The following CDK7 variants were observed in gnomAD, a reference collection of about 807,000 sequenced individuals.
CDK7 encodes cyclin dependent kinase 7.
CDK7 carries 25 observed loss-of-function variants against 49.1 expected under a neutral mutation model. The ratio of observed to expected loss-of-function variants is 0.51; its 90% confidence interval spans 0.37 to 0.71. The LOEUF is 0.71. CDK7 is among the 30% of genes least tolerant of loss of function. The pLI is 0.00. For missense variants in CDK7, 316 were observed against 411.7 expected, an observed-to-expected ratio of 0.77 and a Z score of 2.01; for synonymous variants, 107 against 140.0, an observed-to-expected ratio of 0.76 and a Z score of 1.67.
At position 69,259,809 on chromosome 5, in the gene CDK7, G is replaced by A. The variant is rs376866485; in HGVS notation, c.409-9G>A. 31 of 1,589,422 alleles carry A rather than the reference G, an allele frequency of 2.0e-5. No homozygotes were observed. Among genetic ancestry groups the A allele is most frequent in the Middle Eastern group, 1.7e-4 (1 of 6,036 alleles). ...GCTTATTTGTTTGTTTAAAACTTCC[G>A]TCATATAGGATCTGAAACCAAACAA... is the stretch of plus-strand genomic sequence containing the variant. On this transcript the variant is annotated splice_polypyrimidine_tract_variant and intron_variant, in intron 6 of 11. Coordinates refer to ENST00000256443, the MANE Select transcript of CDK7 (RefSeq NM_001799.4).
At chr5:69,241,314 C>CTTTTTTTTTTTT (rs747725798) in intron 2 of CDK7, among the ~76,000 whole-genome samples, 1 of 35,192 alleles carries the variant, frequency 2.8e-5, no homozygotes, top group Non-Finnish European at 5.0e-5. Flanking sequence ...TAGGTTTTTT[C>CTTTTTTTTTTTT]TTTTTTTTTT....
intron 2 of CDK7, chr5:69,250,746 A>T: frequency 2.2e-6 from 1 of 456,566 alleles, no homozygotes; most frequent in Non-Finnish European, 4.4e-6. Flanking sequence ...CTCAAACAGG[A>T]GTCTCTGCTG....
At chr5:69,265,852 A>G (rs1053297685) in intron 8 of CDK7, among the ~76,000 whole-genome samples, 5 of 151,984 alleles carry the variant, frequency 3.3e-5, no homozygotes, top group African/African-American at 4.8e-5. Context: ...TGAGGCTGCA[A>G]GGAGGTGATA....
chr5:69,244,257 A>G (rs1749581490), intron 2 of CDK7, among the ~76,000 whole-genome samples: 1 of 152,174 alleles, frequency 6.6e-6, no homozygotes, highest in African/African-American at 2.4e-5. Context: ...CTGTGGGCAT[A>G]TAGCAGGGCT....
chr5:69,260,515 T>A (rs1049390165), intron 7 of CDK7, among the ~76,000 whole-genome samples: 1 of 152,242 alleles, frequency 6.6e-6, no homozygotes, highest in African/African-American at 2.4e-5. Context: ...TTTAGTTAGA[T>A]AATCTAGAAT....
chr5:69,248,790 CTTTTTTTTTTTCTTTTT>C (rs1274149791), intron 2 of CDK7, among the ~76,000 whole-genome samples: 24 of 110,494 alleles, frequency 2.2e-4, no homozygotes, highest in African/African-American at 6.9e-4. Flanking sequence ...ACCTTCTTTT[CTTTTTTTTTTTCTTTTT>C]TTTTTTTTTT....
intron 8 of CDK7, 37 bp from the exon 9 acceptor site, chr5:69,269,170 A>AG (rs755608810): frequency 4.6e-6 from 6 of 1,292,930 alleles, no homozygotes; most frequent in Non-Finnish European, 6.5e-6. Flanking sequence ...AAAAAAAAAA[A>AG]CCCACCTTGA....
Position 69,269,276 on chromosome 5 carries a change from A to C in CDK7, c.697A>C (p.Thr233Pro). 1 of 1,610,392 alleles carries C rather than the reference A, an allele frequency of 6.2e-7. No individual in the cohort carries two copies. Residue 233 changes from threonine (T) to proline (P), a missense_variant, in exon 9 of 12, where the codon ACT becomes CCT. Coordinates refer to ENST00000256443, the MANE Select transcript of CDK7 (RefSeq NM_001799.4). The part of the protein sequence containing the change: ...TRIFETLGTP[T>P]EEQWPDMCSL... ...AATATTTGAAACTTTGGGCACACCAACTGAGGAACAGTGGCCGGTAAGCCT... is the reference window on the plus strand; with the variant it reads ...AATATTTGAAACTTTGGGCACACCACCTGAGGAACAGTGGCCGGTAAGCCT...
At chr5:69,273,903 G>GGATA (rs778588023) in intron 10 of CDK7, among the ~76,000 whole-genome samples, 1 of 152,130 alleles carries the variant, frequency 6.6e-6, no homozygotes, top group Non-Finnish European at 1.5e-5. Flanking sequence ...ATGGATGGAA[G>GGATA]GATAGATAGA....
intron 8 of CDK7, among the ~76,000 whole-genome samples, chr5:69,264,442 G>A (rs1751016100): frequency 6.6e-6 from 1 of 152,162 alleles, no homozygotes; most frequent in Non-Finnish European, 1.5e-5. Flanking sequence ...CTACGTGCGA[G>A]GCTGAGGCAG....
chr5:69,241,628 T>C (rs1032813159), intron 2 of CDK7, among the ~76,000 whole-genome samples: 3 of 152,094 alleles, frequency 2.0e-5, no homozygotes, highest in African/African-American at 4.8e-5. Flanking sequence ...CCGGCCCTCA[T>C]TGTAGTTTTC....
intron 7 of CDK7, 35 bp downstream of exon 7, chr5:69,259,971 T>TTGA: frequency 7.9e-7 from 1 of 1,262,288 alleles, no homozygotes; most frequent in Non-Finnish European, 1.2e-6. Context: ...TGCAGGAGTT[T>TTGA]GATCAGAAAT....
intron 2 of CDK7, among the ~76,000 whole-genome samples, chr5:69,248,802 C>CTTTTTTTTTTTTTTTTTTTTTTTT (rs70992911): frequency 6.5e-5 from 6 of 92,274 alleles, no homozygotes; most frequent in Admixed American, 2.8e-4. Context: ...TTTTTTTTTT[C>CTTTTTTTTTTTTTTTTTTTTTTTT]TTTTTTTTTT....
chr5:69,276,853 G>GT (rs1272874492), intron 11 of CDK7, among the ~76,000 whole-genome samples, 163 bp downstream of exon 11: 10 of 152,346 alleles, frequency 6.6e-5, no homozygotes, highest in African/African-American at 2.4e-4. Context: ...TTTTAGGTAT[G>GT]TTTACTTTCA....
intron 8 of CDK7, among the ~76,000 whole-genome samples, chr5:69,264,456 AATCT>A (rs1254911936): frequency 6.6e-6 from 1 of 152,106 alleles, no homozygotes; most frequent in African/African-American, 2.4e-5. Context: ...GAGGCAGGAG[AATCT>A]CTTGAGCCCA....
At chr5:69,261,301 A>G (rs1381669274) in intron 7 of CDK7, among the ~76,000 whole-genome samples, 2 of 152,162 alleles carry the variant, frequency 1.3e-5, no homozygotes, top group African/African-American at 4.8e-5. Context: ...AGCATTGTTA[A>G]CAGAGCTTTC....
rs549751816 is a variant in CDK7, at chr5:69,269,474, C to T, written c.714+181C>T. On this transcript the variant is annotated intron_variant, in intron 9 of 11. Transcript: ENST00000256443. ...AGTTACAATTGTGATATACCATCAA[C>T]CTCTTGTATACATGTAGTCCTTTCC... is the stretch of plus-strand genomic sequence containing the variant. 3.9e-5 allele frequency among the ~76,000 whole-genome samples: 6 copies of T among 152,226 alleles called. No individual in the cohort carries two copies. In the South Asian group the frequency reaches 1.0e-3, roughly 26 times the overall value.
intron 1 of CDK7, 104 bp downstream of exon 1, chr5:69,235,145 T>G (rs1342730128): frequency 8.8e-7 from 1 of 1,136,166 alleles, no homozygotes; most frequent in Non-Finnish European, 1.3e-6. Context: ...GCTTGGCTGC[T>G]CGTTCTCGTT....
chr5:69,235,789 CAG>C (rs1331703531), intron 2 of CDK7, among the ~76,000 whole-genome samples: 1 of 152,240 alleles, frequency 6.6e-6, no homozygotes. Context: ...TGCATCCACT[CAG>C]TGTGTCGTAT....
Sources: allele counts gnomAD v4.1 joint callset (sites outside exome capture counted in the v4.1 genomes callset), GRCh38; gene constraint gnomAD v4.1.1; transcripts MANE v1.5; gene names NCBI Gene and HGNC (gene_info 2026-07-23, HGNC 2026-07-21).